DNAJC1: variants seen among roughly 807,000 people sequenced by gnomAD.
DNAJC1 encodes dnaJ homolog subfamily C member 1.
Under a neutral mutation model 76.6 loss-of-function variants are expected in DNAJC1, and 58 were observed. That is an observed-to-expected ratio of 0.76 (90% CI 0.61 to 0.94). The LOEUF is 0.94. Among genes scored for constraint, DNAJC1 ranks in the 40% least tolerant of loss-of-function variants. The pLI is 0.00. For missense variants in DNAJC1, 689 were observed against 677.3 expected (o/e 1.02, Z -0.19); for synonymous variants, 258 against 267.9 (o/e 0.96, Z 0.36).
intron 3 of DNAJC1, among the ~76,000 whole-genome samples, chr10:21,925,939 T>C (rs968768165): frequency 6.6e-6 from 1 of 152,238 alleles, no homozygotes; most frequent in African/African-American, 2.4e-5. Flanking sequence ...ATGCAAATTA[T>C]ACCCAAATAA....
At chr10:21,782,404 C>T (rs961436924) in intron 9 of DNAJC1, among the ~76,000 whole-genome samples, 2 of 152,006 alleles carry the variant, frequency 1.3e-5, no homozygotes, top group Non-Finnish European at 2.9e-5. Flanking sequence ...AATTAATAGC[C>T]TACCAACCAA....
intron 8 of DNAJC1, among the ~76,000 whole-genome samples, chr10:21,858,709 C>G (rs923939304): frequency 6.6e-6 from 1 of 152,026 alleles, no homozygotes. Context: ...AGAGAGATAA[C>G]GAGAACAGGA....
chr10:21,889,472 T>C (rs1034845989), intron 7 of DNAJC1, among the ~76,000 whole-genome samples: 2 of 152,114 alleles, frequency 1.3e-5, no homozygotes, highest in African/African-American at 4.8e-5. Context: ...TCCACATTCC[T>C]CTCACTAAGA....
intron 9 of DNAJC1, among the ~76,000 whole-genome samples, chr10:21,784,617 A>C (rs1834581076): frequency 6.6e-6 from 1 of 152,236 alleles, no homozygotes; most frequent in Admixed American, 6.5e-5. Flanking sequence ...TTATTGTGGC[A>C]CTATTCACAA....
At chr10:21,843,333 T>C (rs2131681138) in intron 8 of DNAJC1, among the ~76,000 whole-genome samples, 1 of 152,188 alleles carries the variant, frequency 6.6e-6, no homozygotes, top group South Asian at 2.1e-4. Flanking sequence ...AAGAATGCAG[T>C]GCTGACTTCT....
intron 9 of DNAJC1, among the ~76,000 whole-genome samples, chr10:21,772,686 C>G (rs1310364408): frequency 6.6e-6 from 1 of 151,998 alleles, no homozygotes; most frequent in Admixed American, 6.6e-5. Context: ...CAAGAATCAG[C>G]TTTTGGTTTC....
intron 1 of DNAJC1, among the ~76,000 whole-genome samples, chr10:21,956,819 AACACACAC>A (rs3051926): frequency 0.034 from 4,778 of 142,130 alleles, 134 homozygotes; most frequent in African/African-American, 0.073. Context: ...GTTTATACAT[AACACACAC>A]ACACACACAC....
intron 1 of DNAJC1, among the ~76,000 whole-genome samples, chr10:21,963,620 C>T (rs1429323001): frequency 6.6e-6 from 1 of 152,172 alleles, no homozygotes; most frequent in Admixed American, 6.5e-5. Context: ...TCTAAGTACT[C>T]ACTGGGTCCA....
rs1043408807 is a variant in DNAJC1 at position 21,759,636 on chromosome 10, C to T, written c.1148-18G>A. 2 of 1,607,054 alleles carry T rather than the reference C, an allele frequency of 1.2e-6. No individual in the cohort carries two copies. Among genetic ancestry groups the T allele is most frequent in the Non-Finnish European group, 1.7e-6 (2 of 1,175,824 alleles). ...AACCATTCCTAGGAAAGAGGGTGTG[C>T]CACACAGAGGTGAAGGGCAAGGTGA... is the stretch of plus-strand genomic sequence containing the variant. On this transcript the variant is annotated intron_variant, in intron 10 of 11. Transcript: ENST00000376980.
chr10:21,971,482 G>A (rs1402793741), intron 1 of DNAJC1, among the ~76,000 whole-genome samples: 1 of 151,608 alleles, frequency 6.6e-6, no homozygotes, highest in South Asian at 2.1e-4. Flanking sequence ...AAAAGCAACT[G>A]AAAACAGAAT....
At chr10:21,900,515 A>T (rs928451162) in intron 7 of DNAJC1, among the ~76,000 whole-genome samples, 14 of 152,174 alleles carry the variant, frequency 9.2e-5, no homozygotes, top group African/African-American at 3.1e-4. Flanking sequence ...TATTAAGGGA[A>T]TTGTAAATTT....
chr10:21,970,343 AG>A (rs1837958072), intron 1 of DNAJC1, among the ~76,000 whole-genome samples: 1 of 152,094 alleles, frequency 6.6e-6, no homozygotes, highest in Non-Finnish European at 1.5e-5. Context: ...TTGTTAAAGG[AG>A]GTCAACAGTA....
chr10:21,791,790 A>G (rs1834691795), intron 9 of DNAJC1, among the ~76,000 whole-genome samples: 1 of 152,178 alleles, frequency 6.6e-6, no homozygotes, highest in South Asian at 2.1e-4. Context: ...GATTTCAAAT[A>G]AATAACCTAA....
intron 11 of DNAJC1, among the ~76,000 whole-genome samples, chr10:21,758,264 G>A (rs1834199351): frequency 6.6e-6 from 1 of 152,168 alleles, no homozygotes; most frequent in Admixed American, 6.5e-5. Flanking sequence ...ACTGAGGGAG[G>A]CACAGACAGC....
At chr10:21,862,147 A>G (rs1270622613) in intron 8 of DNAJC1, among the ~76,000 whole-genome samples, 1 of 151,824 alleles carries the variant, frequency 6.6e-6, no homozygotes, top group African/African-American at 2.4e-5. Flanking sequence ...CGAACTCCCA[A>G]CCTCAGGTGA....
intron 8 of DNAJC1, among the ~76,000 whole-genome samples, chr10:21,857,327 C>T (rs1835850685): frequency 6.6e-6 from 1 of 152,038 alleles, no homozygotes; most frequent in Non-Finnish European, 1.5e-5. Flanking sequence ...CTTCCAAAAC[C>T]ACTAAATTTT....
At position 21,903,597 on chromosome 10, in the gene DNAJC1, T is replaced by C. The variant is rs111706676; in HGVS notation, c.820+925A>G. ...TACATGAATTCATACATCTATCCAT[T>C]TACTGAACATTTATTATGTGCCAGG... On this transcript the variant is annotated intron_variant, in intron 7 of 11. Transcript: ENST00000376980. Among the ~76,000 whole-genome samples, 106 of 152,280 alleles carry C rather than the reference T, an allele frequency of 7.0e-4. 1 individual carries two copies. The highest frequency in any genetic ancestry group is 1.1e-3 in the Non-Finnish European group (78 of 68,026).
chr10:21,916,346 G>A (rs967645628), intron 6 of DNAJC1, among the ~76,000 whole-genome samples: 8 of 151,982 alleles, frequency 5.3e-5, no homozygotes, highest in Admixed American at 1.3e-4. Flanking sequence ...AAAATTAGCC[G>A]GGCGTGGTAG....
chr10:21,808,220 A>G (rs1451194091), intron 8 of DNAJC1, among the ~76,000 whole-genome samples: 1 of 152,176 alleles, frequency 6.6e-6, no homozygotes, highest in Non-Finnish European at 1.5e-5. Context: ...TACAATGTCT[A>G]AAATATAAAT....
Sources: gnomAD v4.1 joint callset for allele counts (sites outside exome capture counted in the v4.1 genomes callset) on GRCh38, gnomAD v4.1.1 for gene constraint, MANE v1.5 for transcripts, NCBI Gene and HGNC (gene_info 2026-07-23, HGNC 2026-07-21) for gene names.